Variants in R3HDM2 observed in about 807,000 individuals in gnomAD.
R3HDM2 encodes R3H domain-containing protein 2.
Under a neutral mutation model 124.5 loss-of-function variants are expected in R3HDM2, and 38 were observed. That is an observed-to-expected ratio of 0.31 (90% CI 0.24 to 0.40). The LOEUF is 0.40. R3HDM2 is among the 10% of genes least tolerant of loss of function. The probability of loss-of-function intolerance (pLI) is 1.00; values close to 1 mark genes in which losing one functional copy is unlikely to be tolerated. For missense variants in R3HDM2, 869 were observed against 1,236.9 expected (o/e 0.70, Z 4.46); for synonymous variants, 391 against 448.0 (o/e 0.87, Z 1.61).
chr12:57,254,554 G>T lies in R3HDM2; in HGVS notation c.*219C>A. 2 of 532,776 alleles carry T rather than the reference G, an allele frequency of 3.8e-6. No individual in the cohort carries two copies. Among genetic ancestry groups the T allele is most frequent in the Middle Eastern group, 4.9e-4 (1 of 2,058 alleles). 33.0% of individuals were successfully genotyped at this position (532,776 alleles called of 1,614,324 possible). A position where few individuals can be genotyped will look rare whatever the true frequency, so the allele number is the denominator to read the frequency against. On this transcript the variant is annotated 3_prime_UTR_variant, in exon 24 of 24. Coordinates refer to ENST00000402412, the MANE Select transcript of R3HDM2 (RefSeq NM_001394031.1). ...AGGATGGGAAGAAGAGTGATGCAAG[G>T]GGGGTCAACCAGGGAAAAAGAGAGG...
chr12:57,317,201 TG>T (rs1279605443), intron 2 of R3HDM2, among the ~76,000 whole-genome samples: 3 of 151,520 alleles, frequency 2.0e-5, no homozygotes, highest in Admixed American at 6.6e-5. Flanking sequence ...TTTTTTTGTT[TG>T]TTTTTTTGTT....
intron 1 of R3HDM2, among the ~76,000 whole-genome samples, chr12:57,424,518 C>T (rs2070524844): frequency 2.0e-5 from 3 of 152,102 alleles, no homozygotes; most frequent in Non-Finnish European, 4.4e-5. Flanking sequence ...TAATTACTTT[C>T]CTCCTAGTCT....
In R3HDM2 at chr12:57,284,038, C is replaced by G; in HGVS notation, c.957G>C (p.Leu319=). The change falls in exon 13 of 24, where the codon CTG becomes CTC. Residue 319 remains leucine, a synonymous_variant. Transcript: ENST00000402412. ...TCTGGCGGCTGCTTGAGGTGCGGCT[C>G]AGTCCTTCACGGTTCCCCCTGCAGA... ...LNDIRGNREG[L]SRTSSSRQSS... is the part of the protein sequence containing the mutation. 1 of 1,603,866 alleles carries G rather than the reference C, an allele frequency of 6.2e-7. No individual in the cohort carries two copies. The highest frequency in any genetic ancestry group is 8.5e-7 in the Non-Finnish European group (1 of 1,175,256).
At chr12:57,304,236 C>G (rs2052010849) in intron 3 of R3HDM2, among the ~76,000 whole-genome samples, 1 of 151,960 alleles carries the variant, frequency 6.6e-6, no homozygotes, top group Admixed American at 6.6e-5. Context: ...AGGATAGAAA[C>G]CGAGGAAGAT....
intron 10 of R3HDM2, 112 bp from the exon 11 acceptor site, chr12:57,292,779 G>GAA: frequency 2.1e-5 from 13 of 614,718 alleles, no homozygotes; most frequent in South Asian, 8.6e-5. Flanking sequence ...CAAAAAAATG[G>GAA]AAAAAAAAAA....
chr12:57,281,993 G>A (rs752214541), intron 13 of R3HDM2, among the ~76,000 whole-genome samples: 12 of 152,166 alleles, frequency 7.9e-5, no homozygotes, highest in Non-Finnish European at 1.2e-4. Context: ...AAGACCAAGA[G>A]GAAACAAAGC....
intron 3 of R3HDM2, among the ~76,000 whole-genome samples, chr12:57,303,748 C>T (rs1443753757): frequency 6.6e-6 from 1 of 152,064 alleles, no homozygotes; most frequent in Non-Finnish European, 1.5e-5. Flanking sequence ...CGCTACTGCA[C>T]TCCAGCCTGG....
chr12:57,331,057 C>A (rs936692520), intron 2 of R3HDM2, among the ~76,000 whole-genome samples: 1 of 152,124 alleles, frequency 6.6e-6, no homozygotes, highest in Non-Finnish European at 1.5e-5. Context: ...GATAATTTTA[C>A]TTTTTCCCTT....
chr12:57,269,255 G>T lies in R3HDM2; in HGVS notation c.1714+68C>A, dbSNP rs551138470. ...ACCCACCTTCATTTTAATGGAGAAGGTACTTCTTTCTTTCCTGGTGTGCCC... is the reference window on the plus strand; with the variant it reads ...ACCCACCTTCATTTTAATGGAGAAGTTACTTCTTTCTTTCCTGGTGTGCCC... On this transcript the variant is annotated intron_variant, in intron 16 of 23. Coordinates refer to ENST00000402412, the MANE Select transcript of R3HDM2 (RefSeq NM_001394031.1). 6.0e-4 allele frequency: 950 copies of T among 1,591,046 alleles called. 2 individuals carry two copies. The highest frequency in any genetic ancestry group is 7.0e-4 in the Non-Finnish European group (824 of 1,169,016).
chr12:57,284,273 G>A (rs1385342026), intron 12 of R3HDM2, among the ~76,000 whole-genome samples: 1 of 152,196 alleles, frequency 6.6e-6, no homozygotes, highest in Non-Finnish European at 1.5e-5. Flanking sequence ...GGCAAATCTG[G>A]AAGACAGTGC....
chr12:57,427,015 G>A (rs902706647), intron 1 of R3HDM2, among the ~76,000 whole-genome samples: 2 of 152,178 alleles, frequency 1.3e-5, no homozygotes, highest in African/African-American at 2.4e-5. Context: ...AAATGTGGCT[G>A]GGCACAGAGG....
At chr12:57,359,831 CTTTT>C (rs2061672492) in intron 2 of R3HDM2, among the ~76,000 whole-genome samples, 2 of 151,402 alleles carry the variant, frequency 1.3e-5, no homozygotes. Context: ...CACCTCTTTG[CTTTT>C]TTTAAGAAGT....
intron 2 of R3HDM2, among the ~76,000 whole-genome samples, chr12:57,336,463 C>T (rs909460681): frequency 6.6e-6 from 1 of 152,084 alleles, no homozygotes; most frequent in Non-Finnish European, 1.5e-5. Context: ...GGTACATACA[C>T]CATGGAATAC....
chr12:57,357,224 G>A (rs762493582), intron 2 of R3HDM2, among the ~76,000 whole-genome samples: 1 of 152,222 alleles, frequency 6.6e-6, no homozygotes, highest in Non-Finnish European at 1.5e-5. Flanking sequence ...TTGGGAGGCC[G>A]AGGCAGGTGG....
In R3HDM2 at chr12:57,254,778, G is replaced by T; in HGVS notation, c.2968C>A (p.Gln990Lys). 6.5e-7 allele frequency: 1 copy of T among 1,539,412 alleles called. No individual in the cohort carries two copies. The highest frequency in any genetic ancestry group is 1.2e-5 in the South Asian group (1 of 82,390). The stretch of plus-strand genomic sequence containing the variant: ...GTCCCTTTCCCCTCCTCCATTTATT[G>T]GGAGCTGGCTCGCTCCAGGATCCTC... ...DLRILERASS[Q>K] Residue 990 changes from glutamine (Q) to lysine (K), a missense_variant, in exon 24 of 24, where the codon CAA becomes AAA. By Grantham distance (53) the Gln-to-Lys change is moderately conservative. Coordinates refer to ENST00000402412, the MANE Select transcript of R3HDM2 (RefSeq NM_001394031.1).
intron 1 of R3HDM2, among the ~76,000 whole-genome samples, chr12:57,428,129 A>C (rs1566537901): frequency 6.6e-6 from 1 of 151,656 alleles, no homozygotes; most frequent in Non-Finnish European, 1.5e-5. Context: ...CAAAAAAAAA[A>C]AAGAGTGAAA....
At chr12:57,425,857 C>T (rs915630653) in intron 1 of R3HDM2, among the ~76,000 whole-genome samples, 37 of 152,072 alleles carry the variant, frequency 2.4e-4, no homozygotes, top group Non-Finnish European at 1.5e-5. Context: ...GTAGCCAAAC[C>T]GCCCCAAAGA....
intron 1 of R3HDM2, among the ~76,000 whole-genome samples, chr12:57,429,449 T>C (rs1255540069): frequency 6.6e-6 from 1 of 152,076 alleles, no homozygotes; most frequent in Non-Finnish European, 1.5e-5. Context: ...CTTTTTGTCT[T>C]TCCCGGCGCG....
rs545568196 is a variant in R3HDM2, at chr12:57,313,110, C to CTA, written c.-35-2649_-35-2648dup. On this transcript the variant is annotated intron_variant, in intron 2 of 23. Transcript: ENST00000402412. The stretch of plus-strand genomic sequence containing the variant: ...CCTATAGACCTTCATGGATCATTTG[C>CTA]TATACATGGGACTTTGTTTATGTAT... Among the ~76,000 whole-genome samples, 11 of 152,216 alleles carry CTA rather than the reference C, an allele frequency of 7.2e-5. No homozygotes were observed. The East Asian group carries it at 2.1e-3, about 29-fold the overall frequency.
Sources: gnomAD v4.1 joint callset for allele counts (sites outside exome capture counted in the v4.1 genomes callset) on GRCh38, gnomAD v4.1.1 for gene constraint, MANE v1.5 for transcripts, NCBI Gene and HGNC (gene_info 2026-07-23, HGNC 2026-07-21) for gene names.